The following EML1 variants were observed in gnomAD, a reference collection of about 807,000 sequenced individuals.
EML1 encodes EMAP like 1, also known as echinoderm microtubule-associated protein-like 1.
In EML1, 27 loss-of-function variants were observed where a neutral mutation model predicts 110.4. The ratio of observed to expected loss-of-function variants is 0.24; its 90% CI spans 0.18 to 0.34. The LOEUF (loss-of-function observed/expected upper bound fraction) is 0.34. EML1 is among the 10% of genes least tolerant of loss of function. EML1 has a pLI of 1.00. For synonymous variants in EML1, 344 were observed against 385.8 expected, an observed-to-expected ratio of 0.89 and a Z score of 1.27; for missense variants, 741 against 1,030.9, an observed-to-expected ratio of 0.72 and a Z score of 3.85.
Position 99,940,305 on chromosome 14 carries a change from T to C in EML1, c.*193T>C. 2 of 666,440 alleles carry C rather than the reference T, an allele frequency of 3.0e-6. No individual in the cohort carries two copies. Among genetic ancestry groups the C allele is most frequent in the African/African-American group, 1.9e-5 (1 of 54,038 alleles). 41.3% of individuals were successfully genotyped at this position (666,440 alleles called of 1,614,324 possible). ...TCAGCGGTTCCGTGTTCACTTTTGTTGTACAATATATGACACAGTGCACAT... is the reference window on the plus strand; with the variant it reads ...TCAGCGGTTCCGTGTTCACTTTTGTCGTACAATATATGACACAGTGCACAT... On this transcript the variant is annotated 3_prime_UTR_variant, in exon 22 of 22. Coordinates refer to ENST00000262233, the MANE Select transcript of EML1 (RefSeq NM_004434.3).
chr14:99,890,966 A>G (rs556942652), intron 4 of EML1, among the ~76,000 whole-genome samples: 23 of 152,338 alleles, frequency 1.5e-4, no homozygotes, highest in Non-Finnish European at 2.6e-4. Context: ...CATAAAAAGC[A>G]CAACTTTGGT....
Position 99,919,425 on chromosome 14 carries a change from GACACACACACACACACACACAC to G in EML1, c.1821-1347_1821-1326del, listed in dbSNP as rs376238109. Reference sequence around the variant, plus strand: ...ACACACACACATACGCATGCACACAGACACACACACACACACACACACACACACACACACACACTCCACCTCC... The same window carrying G: ...ACACACACACATACGCATGCACACAGACACACACACACACACTCCACCTCC... On this transcript the variant is annotated intron_variant, in intron 16 of 21. Transcript: ENST00000262233. 5.5e-3 allele frequency among the ~76,000 whole-genome samples: 535 copies of G among 97,562 alleles called. 1 individual carries two copies. Among genetic ancestry groups the G allele is most frequent in the African/African-American group, 0.015 (494 of 32,838 alleles). 64.0% of individuals were successfully genotyped at this position (97,562 alleles called of 152,430 possible).
At chr14:99,821,251 C>T (rs919858000) in intron 1 of EML1, among the ~76,000 whole-genome samples, 1 of 152,130 alleles carries the variant, frequency 6.6e-6, no homozygotes, top group African/African-American at 2.4e-5. Flanking sequence ...ACTTAGTCCT[C>T]CTGCCTCAAC....
intron 1 of EML1, among the ~76,000 whole-genome samples, chr14:99,818,495 A>T (rs1468628969): frequency 1.3e-5 from 2 of 152,230 alleles, no homozygotes; most frequent in Non-Finnish European, 1.5e-5. Flanking sequence ...AGATTTGTAG[A>T]TTGATGGCTG....
intron 1 of EML1, among the ~76,000 whole-genome samples, chr14:99,815,808 C>T (rs1354399822): frequency 6.6e-6 from 1 of 151,998 alleles, no homozygotes; most frequent in Non-Finnish European, 1.5e-5. Context: ...TAAATTGCGT[C>T]GGTGACATCA....
chr14:99,892,909 C>T (rs1242764468), intron 5 of EML1, among the ~76,000 whole-genome samples: 126 of 152,178 alleles, frequency 8.3e-4, no homozygotes, highest in Non-Finnish European at 4.4e-5. Flanking sequence ...GCTAGAATCC[C>T]TTTTCATTTA....
chr14:99,770,778 G>GTTTTTTTT, upstream of EML1, among the ~76,000 whole-genome samples: 1 of 79,580 alleles, frequency 1.3e-5, no homozygotes, highest in Admixed American at 1.7e-4. Context: ...AGTTTCCGCT[G>GTTTTTTTT]ATTTTTTTTT....
At chr14:99,843,836 T>G (rs1354282550) in intron 1 of EML1, among the ~76,000 whole-genome samples, 1 of 152,226 alleles carries the variant, frequency 6.6e-6, no homozygotes, top group African/African-American at 2.4e-5. Flanking sequence ...ACAATGGTTG[T>G]TACACCAACC....
chr14:99,742,461 G>C (rs1219086365), intron 1 of EML1, among the ~76,000 whole-genome samples: 1 of 152,158 alleles, frequency 6.6e-6, no homozygotes, highest in Non-Finnish European at 1.5e-5. Context: ...AGAGGCCAAG[G>C]AGGAGGCTGG....
chr14:99,807,155 T>G (rs2057991937), intron 1 of EML1, among the ~76,000 whole-genome samples: 1 of 152,160 alleles, frequency 6.6e-6, no homozygotes, highest in African/African-American at 2.4e-5. Flanking sequence ...AATAATGAAC[T>G]CTTGAGAATT....
chr14:99,857,605 A>G (rs778698145), intron 2 of EML1, among the ~76,000 whole-genome samples: 41 of 152,204 alleles, frequency 2.7e-4, no homozygotes, highest in Non-Finnish European at 5.3e-4. Context: ...AGTCCCTGGC[A>G]ACTGCTAGTC....
intron 1 of EML1, among the ~76,000 whole-genome samples, chr14:99,758,257 C>T (rs942433575): frequency 6.6e-6 from 1 of 152,184 alleles, no homozygotes; most frequent in African/African-American, 2.4e-5. Context: ...AGTTCACAGA[C>T]AGGAAAGACT....
Position 99,926,515 on chromosome 14 carries a change from C to G in EML1, c.1909+5638C>G, listed in dbSNP as rs186234758. Among the ~76,000 whole-genome samples the G allele has an allele frequency of 2.5e-3, 376 of 151,756 alleles. 4 individuals are homozygous for G. The highest frequency in any genetic ancestry group is 7.9e-3 in the African/African-American group (328 of 41,356). ...GGCCAGGCTGGTCTCAAGCTCCTAGCCTCAAGTGATCTGCCCGCCTCGGCC... is the reference window on the plus strand; with the variant it reads ...GGCCAGGCTGGTCTCAAGCTCCTAGGCTCAAGTGATCTGCCCGCCTCGGCC... On this transcript the variant is annotated intron_variant, in intron 17 of 21. Transcript: ENST00000262233.
chr14:99,851,662 A>G (rs184298539), intron 2 of EML1, among the ~76,000 whole-genome samples: 4 of 152,320 alleles, frequency 2.6e-5, no homozygotes, highest in Admixed American at 2.6e-4. Flanking sequence ...AGAAAGAACC[A>G]TGATCCTTTG....
intron 1 of EML1, among the ~76,000 whole-genome samples, chr14:99,818,524 GA>G (rs2058207863): frequency 6.6e-6 from 1 of 152,304 alleles, no homozygotes; most frequent in Admixed American, 6.5e-5. Context: ...TGCTTTCATA[GA>G]GGTGAGGGGT....
intron 1 of EML1, among the ~76,000 whole-genome samples, chr14:99,811,168 T>G (rs1259194860): frequency 1.4e-5 from 2 of 142,372 alleles, no homozygotes; most frequent in South Asian, 2.2e-4. Flanking sequence ...TAATAGGGGT[T>G]TTTTTTTTGT....
In EML1 at chr14:99,894,693, A is replaced by G. The variant is rs1369716712; in HGVS notation, c.612A>G (p.Gln204=). The change falls in exon 6 of 22, where the codon CAA becomes CAG. Residue 204 remains glutamine (Q), a synonymous_variant. Transcript: ENST00000262233. The part of the protein sequence containing the change: ...RPVTMYMPKD[Q]VDSYSLEAKV... ...TTACCATGTACATGCCCAAAGATCA[A>G]GTGGATTCTTACAGCTTGGAAGCAA... The G allele has an allele frequency of 1.9e-6, 3 of 1,613,738 alleles. No individual in the cohort carries two copies. Among genetic ancestry groups the G allele is most frequent in the African/African-American group, 2.7e-5 (2 of 74,916 alleles).
At chr14:99,760,153 A>AC (rs954142183) in intron 1 of EML1, among the ~76,000 whole-genome samples, 98 of 147,242 alleles carry the variant, frequency 6.7e-4, no homozygotes, top group Non-Finnish European at 1.1e-3. Context: ...ATTTGGAAAC[A>AC]CCCCCCAAAC....
At chr14:99,744,991 C>T (rs1188385491) in intron 1 of EML1, among the ~76,000 whole-genome samples, 2 of 152,112 alleles carry the variant, frequency 1.3e-5, no homozygotes, top group African/African-American at 4.8e-5. Context: ...CACTCTAATA[C>T]AGATATGCAC....
Sources: gnomAD v4.1 joint callset for allele counts (sites outside exome capture counted in the v4.1 genomes callset) on GRCh38, gnomAD v4.1.1 for gene constraint, MANE v1.5 for transcripts, NCBI Gene and HGNC (gene_info 2026-07-23, HGNC 2026-07-21) for gene names.